CFAP74: variants seen among roughly 807,000 people sequenced by gnomAD.
CFAP74 encodes cilia- and flagella-associated protein 74.
A neutral mutation model predicts 188.9 loss-of-function variants in CFAP74; 124 were observed. That is an observed-to-expected ratio of 0.66 (90% CI 0.57 to 0.76). The LOEUF is 0.76. Ranked by LOEUF, CFAP74 falls within the 30% of genes least tolerant of loss-of-function variation. The pLI, the probability that CFAP74 is intolerant of heterozygous loss-of-function variation, is 0.00. For missense variants in CFAP74, 2,198 were observed against 2,165.2 expected, an observed-to-expected ratio of 1.02 and a Z score of -0.30; for synonymous variants, 956 against 916.7, an observed-to-expected ratio of 1.04 and a Z score of -0.77.
At chr1:1,939,113 A>G in intron 24 of CFAP74, 125 bp from the exon 25 acceptor site, 1 of 1,028,988 alleles carries the variant, frequency 9.7e-7, no homozygotes, top group Admixed American at 2.3e-5. Flanking sequence ...TGAGGGTGAG[A>G]GTGTCGCTGT....
At chr1:1,930,002 T>C (rs74595907) in intron 26 of CFAP74, 58 bp downstream of exon 26, 107,900 of 1,462,452 alleles carry the variant, frequency 0.074, 9,360 homozygotes, top group African/African-American at 0.35. Context: ...ACCCCAGGGG[T>C]AAATGCAGGT....
chr1:1,928,772 G>T lies in CFAP74; in HGVS notation c.3387+12C>A, dbSNP rs1349600295. The stretch of plus-strand genomic sequence containing the variant: ...CCCCGACCTACGCCCCTCCTTCCCG[G>T]GCCCCACGCACAGATTTGGTCTCCA... On this transcript the variant is annotated intron_variant, in intron 27 of 38. Transcript: ENST00000682832. 2.0e-6 allele frequency: 3 copies of T among 1,532,068 alleles called. No individual in the cohort carries two copies. Among genetic ancestry groups the T allele is most frequent in the African/African-American group, 2.7e-5 (2 of 72,950 alleles). The allele number at this position is 1,532,068 out of a possible 1,614,324, so 94.9% of individuals were successfully genotyped here. A position where few individuals can be genotyped will look rare whatever the true frequency, so the allele number is the denominator to read the frequency against.
rs1463497610 is a variant in CFAP74, at chr1:1,926,512, C to T, written c.3773G>A (p.Gly1258Glu). 26 of 1,550,026 alleles carry T rather than the reference C, an allele frequency of 1.7e-5. No individual in the cohort carries two copies. The highest frequency in any genetic ancestry group is 2.2e-5 in the Non-Finnish European group (25 of 1,146,898). The change falls in exon 31 of 39, where the codon GGG becomes GAG. Residue 1258 changes from glycine (G) to glutamate (E), a missense_variant and splice_region_variant. By Grantham distance (98) the Gly-to-Glu change is moderately conservative. Coordinates refer to ENST00000682832, the MANE Select transcript of CFAP74 (RefSeq NM_001304360.2). ...TIFNFGDVAV[G>E]HRSIKKISIQ... ...GGAGATCTTCTTGATACTGCGGTGCCCTGAAATGGGGCAGGGAGCGTCAGG... is the reference window on the plus strand; with the variant it reads ...GGAGATCTTCTTGATACTGCGGTGCTCTGAAATGGGGCAGGGAGCGTCAGG...
At chr1:1,932,077 A>C (rs1238663998) in intron 25 of CFAP74, among the ~76,000 whole-genome samples, 3 of 59,404 alleles carry the variant, frequency 5.1e-5, no homozygotes, top group African/African-American at 1.2e-4. Context: ...AAAAAAAAAA[A>C]AACAAAAAAC....
chr1:1,960,848 A>G (rs1239310093), intron 14 of CFAP74, among the ~76,000 whole-genome samples: 1 of 152,212 alleles, frequency 6.6e-6, no homozygotes, highest in Non-Finnish European at 1.5e-5. Context: ...CACATAAACC[A>G]GCAGCAGAGT....
intron 18 of CFAP74, chr1:1,954,718 G>C: frequency 1.2e-6 from 1 of 848,466 alleles, no homozygotes; most frequent in Non-Finnish European, 1.4e-6. Flanking sequence ...GGGAGGTCGA[G>C]GCTGCAGTGA....
At chr1:1,924,554 G>A (rs1402566824) in intron 33 of CFAP74, 34 bp from the exon 34 acceptor site, 4 of 1,578,730 alleles carry the variant, frequency 2.5e-6, no homozygotes, top group Non-Finnish European at 3.4e-6. Context: ...CTGCCCGCCA[G>A]CCCCTGCCTG....
chr1:1,963,967 GC>G (rs1364275695), intron 13 of CFAP74, 100 bp from the exon 14 acceptor site: 8 of 775,762 alleles, frequency 1.0e-5, no homozygotes, highest in Non-Finnish European at 1.6e-5. Flanking sequence ...GTGAGCATTT[GC>G]CAACTAGGGA....
chr1:1,980,441 G>C (rs1177398190), intron 6 of CFAP74, among the ~76,000 whole-genome samples: 1 of 144,776 alleles, frequency 6.9e-6, no homozygotes, highest in Admixed American at 6.8e-5. Context: ...CGTGTGGGGA[G>C]GACGGGTGAA....
At position 1,939,611 on chromosome 1, in the gene CFAP74, A is replaced by T. The variant is rs1161275368; in HGVS notation, c.2860T>A (p.Phe954Ile). Residue 954 changes from phenylalanine (F) to isoleucine (I), a missense_variant, in exon 24 of 39, where the codon TTC becomes ATC. Phe to Ile is a conservative substitution (Grantham distance 21, BLOSUM62 0). Coordinates refer to ENST00000682832, the MANE Select transcript of CFAP74 (RefSeq NM_001304360.2). ...NHSLLPQEFG[F>I]VRLPKFVDVQ... ...GGAGGTACCTTGGGAAGCCTGACGA[A>T]CCCGAACTCCTGGGGCAGGAGCGAG... 2.0e-6 allele frequency: 3 copies of T among 1,535,630 alleles called. No individual in the cohort carries two copies. The highest frequency in any genetic ancestry group is 2.6e-6 in the Non-Finnish European group (3 of 1,146,584).
intron 18 of CFAP74, chr1:1,955,248 A>G: frequency 7.7e-7 from 1 of 1,291,662 alleles, no homozygotes; most frequent in Non-Finnish European, 1.0e-6. Flanking sequence ...GCGATTCCCG[A>G]TGGCGGCGGG....
At chr1:1,927,053 C>T (rs1264060167) in intron 28 of CFAP74, 25 bp from the exon 29 acceptor site, 1 of 1,549,836 alleles carries the variant, frequency 6.5e-7, no homozygotes, top group East Asian at 2.4e-5. Flanking sequence ...GAGGCTTGCG[C>T]TCCCGCCTTG....
At chr1:1,955,354 T>C (rs1282191316) in intron 18 of CFAP74, 1 of 1,333,920 alleles carries the variant, frequency 7.5e-7, no homozygotes, top group African/African-American at 1.5e-5. Flanking sequence ...GCTGCAGAGC[T>C]AGACAGAAGC....
At chr1:1,999,686 G>A (rs937319428) in intron 1 of CFAP74, among the ~76,000 whole-genome samples, 4 of 151,106 alleles carry the variant, frequency 2.6e-5, no homozygotes, top group Admixed American at 6.6e-5. Flanking sequence ...GCGCGGTGGC[G>A]TGCGGCTGTA....
At position 1,930,069 on chromosome 1, in the gene CFAP74, C is replaced by T. The variant is rs757003029; in HGVS notation, c.3279G>A (p.Trp1093Ter). The change falls in exon 26 of 39, where the codon TGG (tryptophan) becomes TGA (stop). Residue 1093 changes from tryptophan to a stop codon, truncating the protein, a stop_gained. Coordinates refer to ENST00000682832, the MANE Select transcript of CFAP74 (RefSeq NM_001304360.2). LOFTEE classifies it high-confidence loss of function. ...ITISPSVGTV[W>*]PGKRCLVQVA... ...TGGGGCCCACACCCACCTTTCCTGGCCACACGGTCCCCACTGAGGGCGAGA... is the reference window on the plus strand; with the variant it reads ...TGGGGCCCACACCCACCTTTCCTGGTCACACGGTCCCCACTGAGGGCGAGA... The T allele has an allele frequency of 1.2e-5, 19 of 1,520,240 alleles. No homozygotes were observed. The South Asian group carries it at 2.3e-4, about 18-fold the overall frequency. The allele number at this position is 1,520,240 out of a possible 1,614,324, so 94.2% of individuals were successfully genotyped here. A position where few individuals can be genotyped will look rare whatever the true frequency, so the allele number is the denominator to read the frequency against.
At chr1:1,938,744 G>A in intron 25 of CFAP74, 111 bp downstream of exon 25, 13 of 1,293,904 alleles carry the variant, frequency 1.0e-5, no homozygotes, top group South Asian at 2.9e-5. Flanking sequence ...CAGCCCTGTG[G>A]TCAGCCAGGC....
At chr1:1,963,367 C>G (rs1655227945) in intron 14 of CFAP74, among the ~76,000 whole-genome samples, 1 of 138,014 alleles carries the variant, frequency 7.2e-6, no homozygotes, top group Non-Finnish European at 1.5e-5. Context: ...AGGAGAATCT[C>G]TTGAATCCAG....
At chr1:2,002,446 G>A (rs764019494) in intron 1 of CFAP74, among the ~76,000 whole-genome samples, 1 of 151,184 alleles carries the variant, frequency 6.6e-6, no homozygotes, top group Non-Finnish European at 1.5e-5. Flanking sequence ...TTTGGGAGGC[G>A]GAGGTGGGTG....
At chr1:2,000,896 C>T (rs1031660922) in intron 1 of CFAP74, among the ~76,000 whole-genome samples, 2 of 152,174 alleles carry the variant, frequency 1.3e-5, no homozygotes, top group Admixed American at 6.5e-5. Context: ...ATGAATCTCT[C>T]GCACAACCCC....
Sources: allele counts gnomAD v4.1 joint callset (sites outside exome capture counted in the v4.1 genomes callset), GRCh38; gene constraint gnomAD v4.1.1; transcripts MANE v1.5; gene names NCBI Gene and HGNC (gene_info 2026-07-23, HGNC 2026-07-21).